ZNF385D: variants seen among roughly 807,000 people sequenced by gnomAD.
The protein encoded by ZNF385D is zinc finger protein 659.
Under a neutral mutation model 35.8 loss-of-function variants are expected in ZNF385D, and 15 were observed. That is an observed-to-expected ratio of 0.42 (90% CI 0.28 to 0.64). The LOEUF is 0.64. ZNF385D is among the 30% of genes least tolerant of loss of function. The probability of loss-of-function intolerance (pLI) is 0.23; values close to 1 mark genes in which losing one functional copy is unlikely to be tolerated. For synonymous variants in ZNF385D, 212 were observed against 186.8 expected (o/e 1.13, Z -1.10); for missense variants, 474 against 494.6 (o/e 0.96, Z 0.39).
At position 22,258,530 on chromosome 3, in the gene ZNF385D, G is replaced by T. The variant is rs371533483; in HGVS notation, c.107-89495C>A. 7.3e-5 allele frequency among the ~76,000 whole-genome samples: 11 copies of T among 151,634 alleles called. No homozygotes were observed. The East Asian group carries it at 1.8e-3, about 24-fold the overall frequency. ...TTTTTTAAAGAATGACTAAAAAAAG[G>T]CCTCTCTGGGTAGCAGAACTTGTAA... is the stretch of plus-strand genomic sequence containing the variant. On this transcript the variant is annotated intron_variant, in intron 2 of 5. Transcript: ENST00000494108.
chr3:21,973,422 C>A (rs535958687), intron 3 of ZNF385D, among the ~76,000 whole-genome samples: 6 of 151,966 alleles, frequency 3.9e-5, no homozygotes, highest in African/African-American at 1.4e-4. Flanking sequence ...CATACCTCAA[C>A]ATAATAAAAG....
At chr3:22,326,484 G>C (rs1395253837) in intron 2 of ZNF385D, among the ~76,000 whole-genome samples, 2 of 152,144 alleles carry the variant, frequency 1.3e-5, no homozygotes, top group Non-Finnish European at 2.9e-5. Context: ...CTTGAGGAAA[G>C]TGTTATCACT....
chr3:21,613,498 C>G (rs1175047727), intron 2 of ZNF385D, among the ~76,000 whole-genome samples: 1 of 152,006 alleles, frequency 6.6e-6, no homozygotes, highest in African/African-American at 2.4e-5. Flanking sequence ...CTGAAACAAG[C>G]TTCATCAGTT....
intron 4 of ZNF385D, among the ~76,000 whole-genome samples, chr3:21,478,760 A>T (rs2125369072): frequency 6.6e-6 from 1 of 152,250 alleles, no homozygotes; most frequent in African/African-American, 2.4e-5. Flanking sequence ...AATCTCTTTT[A>T]TTCAAGTTTA....
At chr3:21,720,042 G>C (rs1000849076) in intron 1 of ZNF385D, among the ~76,000 whole-genome samples, 3 of 152,150 alleles carry the variant, frequency 2.0e-5, no homozygotes, top group African/African-American at 4.8e-5. Context: ...CTGCGCACTA[G>C]AATCATCTAG....
intron 3 of ZNF385D, among the ~76,000 whole-genome samples, chr3:21,808,192 T>C (rs2072740445): frequency 6.6e-6 from 1 of 152,182 alleles, no homozygotes; most frequent in Non-Finnish European, 1.5e-5. Context: ...GTATCAAAAC[T>C]GTTACAAATA....
chr3:22,212,654 A>G (rs1427674943), intron 2 of ZNF385D, among the ~76,000 whole-genome samples: 2 of 152,014 alleles, frequency 1.3e-5, no homozygotes, highest in Admixed American at 1.3e-4. Context: ...GCCAATATAA[A>G]GATGATTTAG....
intron 5 of ZNF385D, among the ~76,000 whole-genome samples, chr3:21,433,818 A>G (rs911009871): frequency 6.6e-6 from 1 of 152,162 alleles, no homozygotes; most frequent in Non-Finnish European, 1.5e-5. Flanking sequence ...TGTGGTTACC[A>G]TTAAGATTTA....
intron 3 of ZNF385D, among the ~76,000 whole-genome samples, chr3:21,779,326 T>G (rs779375412): frequency 2.0e-5 from 3 of 151,840 alleles, no homozygotes; most frequent in Non-Finnish European, 2.9e-5. Context: ...GTTCAAGCAT[T>G]TGTATTCTGA....
At chr3:22,284,141 C>G (rs1338960193) in intron 2 of ZNF385D, among the ~76,000 whole-genome samples, 1 of 152,022 alleles carries the variant, frequency 6.6e-6, no homozygotes, top group Non-Finnish European at 1.5e-5. Context: ...AGGAATCAAT[C>G]TTTAAAAGCT....
intron 3 of ZNF385D, among the ~76,000 whole-genome samples, chr3:21,993,704 G>A (rs1695290660): frequency 1.3e-5 from 2 of 152,110 alleles, no homozygotes; most frequent in Non-Finnish European, 2.9e-5. Context: ...GAATCACAAT[G>A]CAATGTTCCT....
chr3:22,323,095 T>C (rs1694517262), intron 2 of ZNF385D, among the ~76,000 whole-genome samples: 1 of 151,980 alleles, frequency 6.6e-6, no homozygotes, highest in African/African-American at 2.4e-5. Flanking sequence ...AGAATCCCCT[T>C]GGTTGCTAGG....
intron 2 of ZNF385D, among the ~76,000 whole-genome samples, chr3:21,662,061 G>C (rs967003531): frequency 1.3e-5 from 2 of 152,082 alleles, no homozygotes; most frequent in East Asian, 3.9e-4. Flanking sequence ...TGATCACCAG[G>C]CAGAGAGTCT....
intron 2 of ZNF385D, among the ~76,000 whole-genome samples, chr3:22,185,206 G>A (rs187089748): frequency 5.5e-4 from 83 of 150,776 alleles, no homozygotes; most frequent in East Asian, 7.7e-4. Flanking sequence ...AGTAATAAAT[G>A]TATAGATCAA....
intron 3 of ZNF385D, among the ~76,000 whole-genome samples, chr3:21,991,027 A>T (rs939772226): frequency 6.6e-6 from 1 of 152,268 alleles, no homozygotes; most frequent in Non-Finnish European, 1.5e-5. Context: ...GTGGTTTGTT[A>T]CGGAGGTATA....
chr3:21,539,602 A>G lies in ZNF385D; in HGVS notation c.276+24972T>C, dbSNP rs993796834. Among the ~76,000 whole-genome samples the G allele has an allele frequency of 1.2e-3, 177 of 152,282 alleles. No homozygotes were observed. Among genetic ancestry groups the G allele is most frequent in the African/African-American group, 4.0e-3 (165 of 41,588 alleles). On this transcript the variant is annotated intron_variant, in intron 3 of 7. Coordinates refer to ENST00000281523, the MANE Select transcript of ZNF385D (RefSeq NM_024697.3). The surrounding 1 kb of genome is among the most constrained non-coding windows in gnomAD (Gnocchi z 4.0). ...ATGATTCTCTAAATTATTGTTTCAG[A>G]TTTTATAAAGTGATAAAAATACAAC...
intron 3 of ZNF385D, among the ~76,000 whole-genome samples, chr3:21,769,899 A>C (rs1437223156): frequency 6.6e-6 from 1 of 151,778 alleles, no homozygotes; most frequent in Non-Finnish European, 1.5e-5. Flanking sequence ...ATATAGACCA[A>C]TGGAACAGAA....
rs543094479 is a variant in ZNF385D at position 21,769,126 on chromosome 3, C to G, written c.326-104098G>C. Among the ~76,000 whole-genome samples, 76 of 152,158 alleles carry G rather than the reference C, an allele frequency of 5.0e-4. 1 individual carries two copies. The highest frequency in any genetic ancestry group is 1.8e-3 in the African/African-American group (74 of 41,528). ...CTTTCTGCATCTATTGAGATAATAT[C>G]ATACTGAATGGGCAAAAACTGGAAA... On this transcript the variant is annotated intron_variant, in intron 3 of 5. Transcript: ENST00000494108.
intron 3 of ZNF385D, among the ~76,000 whole-genome samples, chr3:21,952,311 C>T (rs1212178894): frequency 1.3e-5 from 2 of 151,900 alleles, no homozygotes; most frequent in South Asian, 2.1e-4. Flanking sequence ...GTTTTACTCT[C>T]TAACGTGACA....
Sources: allele counts gnomAD v4.1 joint callset (sites outside exome capture counted in the v4.1 genomes callset), GRCh38; gene constraint gnomAD v4.1.1; non-coding constraint Gnocchi (gnomAD v3.1); transcripts MANE v1.5; gene names NCBI Gene and HGNC (gene_info 2026-07-23, HGNC 2026-07-21).